SMG6: variants seen among roughly 807,000 people sequenced by gnomAD.
SMG6 encodes telomerase-binding protein EST1A.
SMG6 carries 66 observed loss-of-function variants against 142.2 expected under a neutral mutation model. The ratio of observed to expected loss-of-function variants is 0.46; its 90% confidence interval spans 0.38 to 0.57. SMG6 has a LOEUF of 0.57. SMG6 is among the 20% of genes least tolerant of loss of function. The probability of loss-of-function intolerance (pLI) is 0.00; values close to 1 mark genes in which losing one functional copy is unlikely to be tolerated. For missense variants in SMG6, 1,793 were observed against 1,832.0 expected (o/e 0.98, Z 0.39); for synonymous variants, 779 against 702.4 (o/e 1.11, Z -1.72).
chr17:2,067,116 G>A (rs61490120), intron 16 of SMG6, among the ~76,000 whole-genome samples: 2,882 of 152,304 alleles, frequency 0.019, 74 homozygotes, highest in African/African-American at 0.064. Context: ...TGGCCTGTAT[G>A]GCTGTAGCAC....
rs1185375964 is a variant in SMG6 at position 2,060,003 on chromosome 17, A to G, written c.*1489T>C. Reference sequence around the variant, plus strand: ...GGGGACCCTGTACTCCAAAGAGCCCAGTCTTCTGAGACTCTAGGGGACTCC... The same window carrying G: ...GGGGACCCTGTACTCCAAAGAGCCCGGTCTTCTGAGACTCTAGGGGACTCC... On this transcript the variant is annotated 3_prime_UTR_variant, in exon 19 of 19. Coordinates refer to ENST00000263073, the MANE Select transcript of SMG6 (RefSeq NM_017575.5). The G allele has an allele frequency of 6.6e-6, 1 of 152,300 alleles. No homozygotes were observed. The highest frequency in any genetic ancestry group is 1.5e-5 in the Non-Finnish European group (1 of 68,098). 9.4% of individuals were successfully genotyped at this position (152,300 alleles called of 1,614,324 possible). A position where few individuals can be genotyped will look rare whatever the true frequency, so the allele number is the denominator to read the frequency against.
chr17:2,216,231 G>A (rs1301965410), intron 10 of SMG6, among the ~76,000 whole-genome samples: 7 of 152,270 alleles, frequency 4.6e-5, no homozygotes, highest in East Asian at 3.9e-4. Context: ...TCCCTTGGAA[G>A]GGACCAACCA....
At chr17:2,108,342 C>A (rs536369881) in intron 13 of SMG6, among the ~76,000 whole-genome samples, 5 of 152,162 alleles carry the variant, frequency 3.3e-5, no homozygotes, top group African/African-American at 4.8e-5. Flanking sequence ...TCTTGCCAGG[C>A]GCAGTGACTC....
At chr17:2,240,757 A>C (rs1417126044) in intron 9 of SMG6, among the ~76,000 whole-genome samples, 1 of 152,246 alleles carries the variant, frequency 6.6e-6, no homozygotes, top group Non-Finnish European at 1.5e-5. Flanking sequence ...CGCAGTGTGG[A>C]GCACCAGGCA....
chr17:2,294,636 G>A (rs1009077480), intron 4 of SMG6, among the ~76,000 whole-genome samples: 4 of 152,102 alleles, frequency 2.6e-5, no homozygotes, highest in African/African-American at 4.8e-5. Context: ...GGCCTTCAGC[G>A]TTAGTTTAAC....
At chr17:2,106,854 C>T (rs1305048098) in intron 13 of SMG6, among the ~76,000 whole-genome samples, 2 of 148,490 alleles carry the variant, frequency 1.3e-5, no homozygotes, top group Non-Finnish European at 3.0e-5. Flanking sequence ...GACAGAGTCT[C>T]GGTTTGTCGC....
intron 13 of SMG6, among the ~76,000 whole-genome samples, chr17:2,104,486 A>G (rs1221430394): frequency 1.3e-5 from 2 of 152,148 alleles, no homozygotes; most frequent in South Asian, 2.1e-4. Context: ...CAGGGCAGGG[A>G]AAGTTCTAGA....
intron 13 of SMG6, among the ~76,000 whole-genome samples, chr17:2,146,237 A>C (rs781113687): frequency 2.6e-4 from 40 of 152,210 alleles, no homozygotes; most frequent in Admixed American, 9.2e-4. Context: ...TAGATTACAT[A>C]ACATGCTTAC....
intron 13 of SMG6, among the ~76,000 whole-genome samples, chr17:2,147,637 T>C (rs2070708127): frequency 6.6e-6 from 1 of 151,864 alleles, no homozygotes; most frequent in African/African-American, 2.4e-5. Flanking sequence ...GCCAATCAAC[T>C]GAGAAAGGAG....
chr17:2,230,199 AAAAAAAAAAAAAAAAAAAAAAAG>A (rs1402545477), intron 10 of SMG6, among the ~76,000 whole-genome samples: 17 of 110,134 alleles, frequency 1.5e-4, no homozygotes, highest in South Asian at 1.2e-3. Context: ...AAAAAAAAAA[AAAAAAAAAAAAAAAAAAAAAAAG>A]GAAAAGAAAG....
In SMG6 at chr17:2,123,159, C is replaced by T. The variant is rs76603162; in HGVS notation, c.3358-37258G>A. ...GTGTTGGCGGCTGCCTCAGGAACCG[C>T]GCTGGCTAAGGGCTTCCCCAGGCCT... On this transcript the variant is annotated intron_variant, in intron 13 of 18. Coordinates refer to ENST00000263073, the MANE Select transcript of SMG6 (RefSeq NM_017575.5). Among the ~76,000 whole-genome samples the T allele has an allele frequency of 4.4e-3, 675 of 152,332 alleles. 7 individuals are homozygous for T. The highest frequency in any genetic ancestry group is 0.015 in the African/African-American group (639 of 41,572).
intron 13 of SMG6, among the ~76,000 whole-genome samples, chr17:2,105,848 A>C (rs1183156200): frequency 6.6e-6 from 1 of 152,238 alleles, no homozygotes; most frequent in African/African-American, 2.4e-5. Flanking sequence ...CCAGATGTTA[A>C]GTTTTAAGAC....
At chr17:2,237,002 T>C in intron 9 of SMG6, 1 of 214,296 alleles carries the variant, frequency 4.7e-6, no homozygotes, top group Non-Finnish European at 8.2e-6. Context: ...TCAACAAATT[T>C]CCTGAAACCT....
intron 9 of SMG6, chr17:2,236,917 T>C: frequency 1.1e-6 from 1 of 939,020 alleles, no homozygotes; most frequent in Non-Finnish European, 1.3e-6. Context: ...GTATGCTATT[T>C]CCTCACCCCT....
At chr17:2,107,562 T>C (rs956122779) in intron 13 of SMG6, among the ~76,000 whole-genome samples, 2 of 152,228 alleles carry the variant, frequency 1.3e-5, no homozygotes, top group African/African-American at 4.8e-5. Flanking sequence ...AGGTAGCTGA[T>C]GACACAGTTG....
At chr17:2,066,652 T>TACACACACACACAC (rs1161956483) in intron 16 of SMG6, among the ~76,000 whole-genome samples, 10,873 of 119,376 alleles carry the variant, frequency 0.091, 812 homozygotes, top group Non-Finnish European at 0.11. Context: ...CATGTGGGAA[T>TACACACACACACAC]ACACACACAC....
intron 8 of SMG6, among the ~76,000 whole-genome samples, chr17:2,269,295 G>T (rs986872677): frequency 1.3e-5 from 2 of 151,442 alleles, no homozygotes; most frequent in Non-Finnish European, 2.9e-5. Context: ...GCAGGCTGAG[G>T]CATGAGAATC....
chr17:2,132,868 G>A (rs2641443), intron 13 of SMG6, among the ~76,000 whole-genome samples: 52,589 of 152,008 alleles, frequency 0.35, 9,861 homozygotes, highest in African/African-American at 0.49. Context: ...CTGCAGCCTC[G>A]ACCTCCCAGG....
intron 8 of SMG6, among the ~76,000 whole-genome samples, chr17:2,250,866 G>C (rs2074030999): frequency 6.6e-6 from 1 of 152,076 alleles, no homozygotes; most frequent in African/African-American, 2.4e-5. Flanking sequence ...AGATCACAAG[G>C]CGGAGGAGGA....
Sources: allele counts gnomAD v4.1 joint callset (sites outside exome capture counted in the v4.1 genomes callset), GRCh38; gene constraint gnomAD v4.1.1; transcripts MANE v1.5; gene names NCBI Gene and HGNC (gene_info 2026-07-23, HGNC 2026-07-21).